Variants in SND1 observed in about 807,000 individuals in gnomAD.
The protein encoded by SND1 is staphylococcal nuclease and tudor domain containing 1, also known as staphylococcal nuclease domain-containing protein 1.
A neutral mutation model predicts 121.7 loss-of-function variants in SND1; 38 were observed. That is an observed-to-expected ratio of 0.31 (90% CI 0.24 to 0.41). SND1 has a LOEUF of 0.41. Among genes scored for constraint, SND1 ranks in the 10% least tolerant of loss-of-function variants. The pLI is 1.00. For missense variants in SND1, 868 were observed against 1,184.6 expected, an observed-to-expected ratio of 0.73 and a Z score of 3.92; for synonymous variants, 401 against 447.4, an observed-to-expected ratio of 0.90 and a Z score of 1.31.
chr7:127,707,509 T>C (rs769563341), intron 8 of SND1, 48 bp from the exon 9 acceptor site: 1 of 1,500,826 alleles, frequency 6.7e-7, no homozygotes, highest in Non-Finnish European at 9.3e-7. Context: ...TAGTGGTGGA[T>C]TCCATTTGCT....
chr7:127,948,498 C>A, intron 15 of SND1, among the ~76,000 whole-genome samples: 1 of 152,150 alleles, frequency 6.6e-6, no homozygotes. Context: ...CTTAGAAGAC[C>A]GTCTGTGTCT....
At chr7:127,996,322 G>A (rs181675842) in intron 16 of SND1, among the ~76,000 whole-genome samples, 4 of 152,256 alleles carry the variant, frequency 2.6e-5, no homozygotes, top group Admixed American at 6.5e-5. Context: ...TTCTTTCATC[G>A]TAGCTCCAAG....
chr7:127,688,625 G>A (rs1795860497), intron 2 of SND1, among the ~76,000 whole-genome samples: 1 of 151,810 alleles, frequency 6.6e-6, no homozygotes, highest in Non-Finnish European at 1.5e-5. Context: ...GGGAGGTAGA[G>A]GTGGAAGGAT....
intron 15 of SND1, among the ~76,000 whole-genome samples, chr7:127,939,925 T>C (rs567176887): frequency 1.3e-5 from 2 of 152,336 alleles, no homozygotes; most frequent in East Asian, 3.8e-4. Flanking sequence ...TTTACTCTTA[T>C]GCTTTCATGT....
chr7:127,778,750 G>A (rs556326853), intron 10 of SND1, among the ~76,000 whole-genome samples: 21 of 152,216 alleles, frequency 1.4e-4, no homozygotes, highest in African/African-American at 4.8e-4. Context: ...CATTTGAATG[G>A]TACATAGTTA....
chr7:128,010,275 A>C (rs1803086423), intron 16 of SND1, among the ~76,000 whole-genome samples: 1 of 152,216 alleles, frequency 6.6e-6, no homozygotes, highest in Admixed American at 6.5e-5. Flanking sequence ...TGTAATCAGA[A>C]ATCCCATGTT....
intron 10 of SND1, among the ~76,000 whole-genome samples, chr7:127,766,569 A>G (rs951194653): frequency 2.0e-5 from 3 of 151,980 alleles, no homozygotes; most frequent in East Asian, 3.9e-4. Context: ...AGGTCAGGAG[A>G]TCAAGACCAT....
In SND1 at chr7:128,042,548, G is replaced by A. The variant is rs78525847; in HGVS notation, c.1780-31954G>A. 1,383 of 152,412 alleles carry A rather than the reference G, an allele frequency of 9.1e-3. 14 individuals are homozygous for A. The highest frequency in any genetic ancestry group is 0.014 in the Non-Finnish European group (947 of 68,080). 9.4% of individuals were successfully genotyped at this position (152,412 alleles called of 1,614,324 possible). A position where few individuals can be genotyped will look rare whatever the true frequency, so the allele number is the denominator to read the frequency against. The stretch of plus-strand genomic sequence containing the variant: ...TGTCGTCATTCTTCTCAGATCCTGC[G>A]AAGGCTGTAGCCTCTGCTCAGCACT... On this transcript the variant is annotated intron_variant, in intron 16 of 23. Coordinates refer to ENST00000354725, the MANE Select transcript of SND1 (RefSeq NM_014390.4).
intron 12 of SND1, among the ~76,000 whole-genome samples, chr7:127,848,362 A>G (rs1799105158): frequency 6.6e-6 from 1 of 152,236 alleles, no homozygotes; most frequent in African/African-American, 2.4e-5. Flanking sequence ...GACAAAAACA[A>G]ATGGCTCATC....
intron 11 of SND1, among the ~76,000 whole-genome samples, chr7:127,820,267 A>G (rs777104696): frequency 3.3e-5 from 5 of 152,190 alleles, no homozygotes; most frequent in Non-Finnish European, 4.4e-5. Context: ...TCAGTTCACT[A>G]CATTTTGAAA....
chr7:128,086,425 TG>T (rs1420131511), intron 20 of SND1: 1 of 216,526 alleles, frequency 4.6e-6, no homozygotes, highest in African/African-American at 2.4e-5. Flanking sequence ...AGCCCAGAGT[TG>T]GGCCATGCTC....
chr7:127,772,819 C>T (rs1281572178), intron 10 of SND1, among the ~76,000 whole-genome samples: 1 of 152,060 alleles, frequency 6.6e-6, no homozygotes, highest in African/African-American at 2.4e-5. Flanking sequence ...GCAGAATGAA[C>T]CAGGAATCAT....
chr7:127,864,853 G>A (rs1013399722), intron 12 of SND1, among the ~76,000 whole-genome samples: 6 of 151,944 alleles, frequency 3.9e-5, no homozygotes, highest in African/African-American at 1.5e-4. Flanking sequence ...CATTGGCAAA[G>A]CACCTGGATT....
intron 12 of SND1, among the ~76,000 whole-genome samples, chr7:127,852,775 C>T (rs1470967637): frequency 6.6e-6 from 1 of 151,834 alleles, no homozygotes; most frequent in Non-Finnish European, 1.5e-5. Context: ...CACGCCACTG[C>T]ACTCTAGCCT....
chr7:127,760,393 G>T (rs1797281864), intron 10 of SND1, among the ~76,000 whole-genome samples: 1 of 152,154 alleles, frequency 6.6e-6, no homozygotes, highest in African/African-American at 2.4e-5. Flanking sequence ...CTTTTCAGTT[G>T]TTGCTTGGTA....
intron 4 of SND1, 77 bp downstream of exon 4, chr7:127,699,030 C>A: frequency 8.6e-7 from 1 of 1,161,738 alleles, no homozygotes; most frequent in Non-Finnish European, 1.3e-6. Context: ...TGCCCCCAGA[C>A]ATGGGTAACT....
At chr7:127,844,243 A>G in intron 11 of SND1, 81 bp from the exon 12 acceptor site, 1 of 1,028,512 alleles carries the variant, frequency 9.7e-7, no homozygotes, top group Middle Eastern at 2.1e-4. Context: ...CTGATCTTTC[A>G]CAGTTGAGCA....
chr7:127,865,685 G>A (rs767454530), intron 12 of SND1, among the ~76,000 whole-genome samples: 18 of 151,834 alleles, frequency 1.2e-4, no homozygotes, highest in Non-Finnish European at 2.9e-5. Flanking sequence ...ACACAATCAT[G>A]GTTTATGGCA....
At chr7:127,996,045 A>C (rs546253247) in intron 16 of SND1, among the ~76,000 whole-genome samples, 1 of 152,160 alleles carries the variant, frequency 6.6e-6, no homozygotes, top group African/African-American at 2.4e-5. Context: ...CCCTGCTGGC[A>C]TTAAAAGGGA....
Sources: gnomAD v4.1 joint callset for allele counts (sites outside exome capture counted in the v4.1 genomes callset) on GRCh38, gnomAD v4.1.1 for gene constraint, MANE v1.5 for transcripts, NCBI Gene and HGNC (gene_info 2026-07-23, HGNC 2026-07-21) for gene names.